Variants in SNX29 observed in about 807,000 individuals in gnomAD.
The protein encoded by SNX29 is sorting nexin-29.
SNX29 carries 78 observed loss-of-function variants against 102.1 expected under a neutral mutation model. The observed-to-expected ratio is 0.76, with a 90% CI of 0.64 to 0.92. The LOEUF is 0.92. Among genes scored for constraint, SNX29 ranks in the 40% least tolerant of loss-of-function variants. The pLI, the probability that SNX29 is intolerant of heterozygous loss-of-function variation, is 0.00. For synonymous variants in SNX29, 580 were observed against 414.5 expected (o/e 1.40, Z -4.85); for missense variants, 1,280 against 1,061.7 (o/e 1.21, Z -2.86).
chr16:12,027,469 TG>T (rs147822597), intron 4 of SNX29, 25 bp downstream of exon 4: 435 of 1,612,244 alleles, frequency 2.7e-4, no homozygotes, highest in Non-Finnish European at 3.5e-4. Flanking sequence ...GGCTGTAGCT[TG>T]GAGGAGCTTG....
At chr16:12,450,987 C>T (rs935618526) in intron 18 of SNX29, among the ~76,000 whole-genome samples, 1 of 151,972 alleles carries the variant, frequency 6.6e-6, no homozygotes, top group Non-Finnish European at 1.5e-5. Context: ...GTCAGGGACC[C>T]AGTACTAGGG....
intron 20 of SNX29, among the ~76,000 whole-genome samples, chr16:12,563,844 C>G (rs565873161): frequency 6.6e-6 from 1 of 152,222 alleles, no homozygotes; most frequent in Non-Finnish European, 1.5e-5. Context: ...CTGTAAATAT[C>G]CCTGCTGAAT....
At chr16:12,405,283 T>G (rs183230511) in intron 18 of SNX29, among the ~76,000 whole-genome samples, 1 of 152,216 alleles carries the variant, frequency 6.6e-6, no homozygotes, top group East Asian at 1.9e-4. Flanking sequence ...ATGAAGCAAC[T>G]TGGCAATTTT....
chr16:12,541,674 C>T (rs972251031), intron 20 of SNX29, among the ~76,000 whole-genome samples: 10 of 152,174 alleles, frequency 6.6e-5, no homozygotes, highest in African/African-American at 1.7e-4. Context: ...CGTGCTGACA[C>T]CCGTTTACCA....
At chr16:12,395,412 G>C (rs1474648481) in intron 16 of SNX29, among the ~76,000 whole-genome samples, 3 of 152,222 alleles carry the variant, frequency 2.0e-5, no homozygotes, top group Non-Finnish European at 4.4e-5. Flanking sequence ...TTCCCCGTTG[G>C]TCTCATCTAC....
intron 19 of SNX29, among the ~76,000 whole-genome samples, chr16:12,499,705 A>T (rs1367781865): frequency 6.6e-6 from 1 of 152,112 alleles, no homozygotes; most frequent in Non-Finnish European, 1.5e-5. Flanking sequence ...ATGGGATCTC[A>T]CTCTGTCGCC....
chr16:12,198,647 A>T (rs928616518), intron 13 of SNX29, among the ~76,000 whole-genome samples: 1 of 152,216 alleles, frequency 6.6e-6, no homozygotes, highest in African/African-American at 2.4e-5. Flanking sequence ...TCTGAATCTC[A>T]AAGCAGATGG....
intron 18 of SNX29, among the ~76,000 whole-genome samples, chr16:12,440,165 C>T (rs929378766): frequency 6.6e-6 from 1 of 152,212 alleles, no homozygotes; most frequent in Non-Finnish European, 1.5e-5. Context: ...CTGTCACATC[C>T]TCCCTCCCCT....
At chr16:12,257,520 T>TCTC (rs58635011) in intron 14 of SNX29, among the ~76,000 whole-genome samples, 1 of 150,550 alleles carries the variant, frequency 6.6e-6, no homozygotes, top group Non-Finnish European at 1.5e-5. Context: ...TCTCTCTCTC[T>TCTC]TTAAGAGAGA....
intron 3 of SNX29, among the ~76,000 whole-genome samples, chr16:12,009,648 C>G (rs1258911654): frequency 2.0e-5 from 3 of 151,952 alleles, no homozygotes; most frequent in Non-Finnish European, 4.4e-5. Flanking sequence ...TGGTGGCAGC[C>G]GCTGGGCTCT....
At chr16:11,976,872 G>A in intron 1 of SNX29, 59 bp downstream of exon 1, 1 of 1,316,730 alleles carries the variant, frequency 7.6e-7, no homozygotes, top group South Asian at 2.1e-5. Flanking sequence ...CGCCGCTCCA[G>A]CTGCACACTC....
At chr16:12,291,624 G>T (rs2079798117) in intron 15 of SNX29, among the ~76,000 whole-genome samples, 1 of 152,214 alleles carries the variant, frequency 6.6e-6, no homozygotes, top group Non-Finnish European at 1.5e-5. Flanking sequence ...AACAGCAAGA[G>T]TCTCTCCATT....
chr16:12,558,640 C>A (rs1598034440), intron 20 of SNX29, among the ~76,000 whole-genome samples: 1 of 152,234 alleles, frequency 6.6e-6, no homozygotes, highest in Admixed American at 6.5e-5. Flanking sequence ...TTAAAAGAAA[C>A]CTATTCTCCA....
At chr16:12,560,032 CAA>C (rs1480039514) in intron 20 of SNX29, among the ~76,000 whole-genome samples, 6 of 152,014 alleles carry the variant, frequency 3.9e-5, no homozygotes, top group African/African-American at 1.5e-4. Flanking sequence ...CTTAGTATGA[CAA>C]ATACACAAAG....
intron 14 of SNX29, among the ~76,000 whole-genome samples, chr16:12,229,164 A>G (rs191367859): frequency 6.6e-6 from 1 of 152,302 alleles, no homozygotes; most frequent in East Asian, 1.9e-4. Context: ...TGTCTTATTT[A>G]TTCCTGGTTT....
chr16:12,391,965 G>T (rs1027381896), intron 16 of SNX29, among the ~76,000 whole-genome samples: 1 of 152,234 alleles, frequency 6.6e-6, no homozygotes, highest in Non-Finnish European at 1.5e-5. Flanking sequence ...GATAGGAATA[G>T]ATCATCGTCT....
intron 11 of SNX29, among the ~76,000 whole-genome samples, chr16:12,084,068 C>T (rs890479147): frequency 6.6e-6 from 1 of 152,076 alleles, no homozygotes; most frequent in South Asian, 2.1e-4. Flanking sequence ...GATGGTGTAT[C>T]CAGACCCACA....
chr16:12,441,089 CT>C (rs34125065), intron 18 of SNX29, among the ~76,000 whole-genome samples: 129 of 102,502 alleles, frequency 1.3e-3, no homozygotes, highest in East Asian at 3.6e-3. Context: ...TACTTCATTC[CT>C]TTTTTTTTTT....
At chr16:12,183,806 A>G (rs901520767) in intron 13 of SNX29, among the ~76,000 whole-genome samples, 3 of 152,220 alleles carry the variant, frequency 2.0e-5, no homozygotes, top group African/African-American at 4.8e-5. Context: ...AGTTTGCAGT[A>G]AAGAAGCCGG....
Sources: gnomAD v4.1 joint callset for allele counts (sites outside exome capture counted in the v4.1 genomes callset) on GRCh38, gnomAD v4.1.1 for gene constraint, MANE v1.5 for transcripts, NCBI Gene and HGNC (gene_info 2026-07-23, HGNC 2026-07-21) for gene names.